The following GMCL1 variants were observed in gnomAD, a reference collection of about 807,000 sequenced individuals.
GMCL1 encodes the protein germ cell-less 1, spermatogenesis associated.
In GMCL1, 54 loss-of-function variants were observed where a neutral mutation model predicts 75.5. The ratio of observed to expected loss-of-function variants is 0.71; its 90% CI spans 0.57 to 0.90. The LOEUF is 0.90. Ranked by LOEUF, GMCL1 falls within the 40% of genes least tolerant of loss-of-function variation. The pLI, the probability that GMCL1 is intolerant of heterozygous loss-of-function variation, is 0.00. For synonymous variants in GMCL1, 210 were observed against 209.6 expected (o/e 1.00, Z -0.02); for missense variants, 537 against 622.7 (o/e 0.86, Z 1.47).
At chr2:69,836,560 G>T (rs1674823927) in intron 1 of GMCL1, among the ~76,000 whole-genome samples, 1 of 152,116 alleles carries the variant, frequency 6.6e-6, no homozygotes, top group African/African-American at 2.4e-5. Flanking sequence ...GCTAGGAAGA[G>T]GTGTTAAGTA....
At chr2:69,859,329 A>G (rs2104009324) in intron 9 of GMCL1, among the ~76,000 whole-genome samples, 1 of 151,466 alleles carries the variant, frequency 6.6e-6, no homozygotes, top group South Asian at 2.1e-4. Context: ...TTAAATATAT[A>G]TATATATATG....
rs1676261836 is a variant in GMCL1 at position 69,880,954 on chromosome 2, T to C, written c.*1950T>C. On this transcript the variant is annotated 3_prime_UTR_variant, in exon 14 of 14. Coordinates refer to ENST00000282570, the MANE Select transcript of GMCL1 (RefSeq NM_178439.5). ...GTTTTCTTTCCGTCTCATTACTGTA[T>C]AAGAGTTTCCTTACCCTTTATGTAT... The C allele has an allele frequency of 6.6e-6, 1 of 152,178 alleles. No individual in the cohort carries two copies. The highest frequency in any genetic ancestry group is 1.5e-5 in the Non-Finnish European group (1 of 68,032). 9.4% of individuals were successfully genotyped at this position (152,178 alleles called of 1,614,324 possible). A position where few individuals can be genotyped will look rare whatever the true frequency, so the allele number is the denominator to read the frequency against.
chr2:69,837,137 A>G (rs1292364764), intron 1 of GMCL1, among the ~76,000 whole-genome samples: 4 of 152,186 alleles, frequency 2.6e-5, no homozygotes, highest in Admixed American at 2.6e-4. Flanking sequence ...TCCATTTCCT[A>G]CTTGCAGATT....
intron 12 of GMCL1, 83 bp downstream of exon 12, chr2:69,869,947 T>C: frequency 2.2e-6 from 3 of 1,390,982 alleles, no homozygotes; most frequent in Non-Finnish European, 2.9e-6. Flanking sequence ...ACACCAACAT[T>C]AGTAGAACTT....
chr2:69,869,775 C>T lies in GMCL1; in HGVS notation c.1275C>T (p.Thr425=), dbSNP rs927987619. The change falls in exon 12 of 14, where the codon ACC becomes ACT. Residue 425 remains threonine, a synonymous_variant. Transcript: ENST00000282570. Reference sequence around the variant, plus strand: ...GCTTCGACCTACTTGTAACTTACACCAATCGATACATCATTTTCAAACGCA... The same window carrying T: ...GCTTCGACCTACTTGTAACTTACACTAATCGATACATCATTTTCAAACGCA... ...NFGFDLLVTY[T]NRYIIFKRNT... 6 of 1,613,800 alleles carry T rather than the reference C, an allele frequency of 3.7e-6. No individual in the cohort carries two copies. Among genetic ancestry groups the T allele is most frequent in the Non-Finnish European group, 5.1e-6 (6 of 1,179,922 alleles).
At chr2:69,834,597 GT>G (rs1674769288) in intron 1 of GMCL1, among the ~76,000 whole-genome samples, 1 of 152,038 alleles carries the variant, frequency 6.6e-6, no homozygotes, top group African/African-American at 2.4e-5. Context: ...TTTGATTCTG[GT>G]GTAATTCTCT....
intron 1 of GMCL1, among the ~76,000 whole-genome samples, chr2:69,835,452 T>C (rs140652733): frequency 1.8e-3 from 278 of 151,898 alleles, no homozygotes; most frequent in African/African-American, 6.3e-3. Flanking sequence ...GATATGCTCT[T>C]ATTCTTCCTC....
At chr2:69,868,434 T>C (rs1412334323) in intron 11 of GMCL1, among the ~76,000 whole-genome samples, 2 of 152,208 alleles carry the variant, frequency 1.3e-5, no homozygotes, top group African/African-American at 4.8e-5. Flanking sequence ...TGTATCACAC[T>C]ACCTTATCTG....
Position 69,839,509 on chromosome 2 carries a change from A to G in GMCL1, c.437A>G (p.Asn146Ser). 1 of 1,607,222 alleles carries G rather than the reference A, an allele frequency of 6.2e-7. No individual in the cohort carries two copies. Among genetic ancestry groups the G allele is most frequent in the Non-Finnish European group, 8.5e-7 (1 of 1,174,480 alleles). Residue 146 changes from asparagine to serine, a missense_variant, in exon 3 of 14, where the codon AAT becomes AGT. Asn to Ser is a conservative substitution (Grantham distance 46, BLOSUM62 1). Around this residue, in one of 3 missense-constraint regions of GMCL1, gnomAD observed 48 missense variants for 85.0 expected, o/e 0.56. Transcript: ENST00000282570. ...GGTTCTTGGAAAGAATCCAGCATGAATATTATTGAACTGGAGATTCCTGAC... is the reference window on the plus strand; with the variant it reads ...GGTTCTTGGAAAGAATCCAGCATGAGTATTATTGAACTGGAGATTCCTGAC... ...FSGSWKESSM[N>S]IIELEIPDQN...
At chr2:69,830,480 C>G (rs1273242155) in intron 1 of GMCL1, among the ~76,000 whole-genome samples, 2 of 152,218 alleles carry the variant, frequency 1.3e-5, no homozygotes, top group Non-Finnish European at 2.9e-5. Flanking sequence ...TCCACCTTTG[C>G]CCTCTCAAGT....
At chr2:69,851,402 G>T (rs905395948) in intron 8 of GMCL1, among the ~76,000 whole-genome samples, 1 of 152,172 alleles carries the variant, frequency 6.6e-6, no homozygotes, top group African/African-American at 2.4e-5. Context: ...ACAAGGTCAG[G>T]AGTTGGAGAC....
intron 7 of GMCL1, 143 bp downstream of exon 7, chr2:69,847,770 CT>C: frequency 2.1e-6 from 1 of 475,370 alleles, no homozygotes. Flanking sequence ...CTTAAAAAGT[CT>C]TTATATTTAG....
intron 2 of GMCL1, among the ~76,000 whole-genome samples, chr2:69,838,366 C>T (rs1381747752): frequency 4.7e-5 from 4 of 85,492 alleles, no homozygotes; most frequent in Admixed American, 2.2e-4. Flanking sequence ...AAAAAAAAAT[C>T]GGAGCTTTCA....
chr2:69,843,246 A>C lies in GMCL1; in HGVS notation c.677A>C (p.Asp226Ala). Reference sequence around the variant, plus strand: ...ACATCAGCAGGGACCTATGGATTAGATTCTGTAAAGAAAAAGTGAGTTGCC... The same window carrying C: ...ACATCAGCAGGGACCTATGGATTAGCTTCTGTAAAGAAAAAGTGAGTTGCC... ...YYTSAGTYGL[D>A]SVKKKCLEWL... The change falls in exon 5 of 14, where the codon GAT becomes GCT. Residue 226 changes from aspartate to alanine, a missense_variant. Asp to Ala is a moderately radical substitution (Grantham distance 126). Around this residue, in one of 3 missense-constraint regions of GMCL1, gnomAD observed 345 missense variants for 410.5 expected, o/e 0.84. Transcript: ENST00000282570. 6.3e-7 allele frequency: 1 copy of C among 1,586,990 alleles called. No homozygotes were observed. The highest frequency in any genetic ancestry group is 1.1e-5 in the South Asian group (1 of 89,624).
chr2:69,853,034 G>A (rs893436698), intron 8 of GMCL1, among the ~76,000 whole-genome samples: 29 of 151,988 alleles, frequency 1.9e-4, no homozygotes, highest in African/African-American at 6.3e-4. Flanking sequence ...ATTTTTTTTG[G>A]TTCTATAAAT....
rs182064299 is a variant in GMCL1, at chr2:69,837,227, T to C, written c.261-320T>C. On this transcript the variant is annotated intron_variant, in intron 1 of 13. Coordinates refer to ENST00000282570, the MANE Select transcript of GMCL1 (RefSeq NM_178439.5). ...AAAAATCAACATGCTAACTTCTTAA[T>C]CTATTGAATGGGTAATTAAATTAGT... Among the ~76,000 whole-genome samples the C allele has an allele frequency of 2.6e-5, 4 of 152,338 alleles. No homozygotes were observed. The East Asian group carries it at 5.8e-4, about 22-fold the overall frequency.
intron 1 of GMCL1, among the ~76,000 whole-genome samples, chr2:69,833,146 T>G (rs11903034): frequency 0.23 from 35,539 of 152,172 alleles, 4,460 homozygotes; most frequent in East Asian, 0.39. Flanking sequence ...TAAAGATATT[T>G]ACTATCTAGA....
chr2:69,855,943 C>T (rs1675455709), intron 9 of GMCL1, among the ~76,000 whole-genome samples: 1 of 152,100 alleles, frequency 6.6e-6, no homozygotes, highest in Non-Finnish European at 1.5e-5. Flanking sequence ...AAAGTCTGTT[C>T]TAAAGTAGTT....
chr2:69,868,722 A>G (rs1392634178), intron 11 of GMCL1, among the ~76,000 whole-genome samples: 1 of 148,628 alleles, frequency 6.7e-6, no homozygotes, highest in Non-Finnish European at 1.5e-5. Context: ...CCTTAAGAGT[A>G]TTTTTAAAGC....
Sources: allele counts gnomAD v4.1 joint callset (sites outside exome capture counted in the v4.1 genomes callset), GRCh38; gene constraint gnomAD v4.1.1; regional missense constraint gnomAD v4.1.1; transcripts MANE v1.5; gene names NCBI Gene and HGNC (gene_info 2026-07-23, HGNC 2026-07-21).